Variants in AGBL1 observed in about 807,000 individuals in gnomAD.
AGBL1 encodes AGBL carboxypeptidase 1.
AGBL1 carries 130 observed loss-of-function variants against 118.9 expected under a neutral mutation model. The ratio of observed to expected loss-of-function variants is 1.09; its 90% confidence interval spans 0.95 to 1.26. The LOEUF (loss-of-function observed/expected upper bound fraction) is 1.26. Among genes scored for constraint, AGBL1 ranks in the 50% most tolerant of loss-of-function variants. The pLI, the probability that AGBL1 is intolerant of heterozygous loss-of-function variation, is 0.00. For missense variants in AGBL1, 1,584 were observed against 1,298.1 expected, an observed-to-expected ratio of 1.22 and a Z score of -3.38; for synonymous variants, 555 against 478.9, an observed-to-expected ratio of 1.16 and a Z score of -2.08.
chr15:86,378,681 G>GATT (rs35489192), intron 17 of AGBL1, among the ~76,000 whole-genome samples: 3 of 150,916 alleles, frequency 2.0e-5, no homozygotes, highest in Non-Finnish European at 3.0e-5. Flanking sequence ...AGTGAGATGG[G>GATT]ATTATTATTA....
At chr15:86,540,818 G>C (rs2083485256) in intron 19 of AGBL1, among the ~76,000 whole-genome samples, 2 of 152,160 alleles carry the variant, frequency 1.3e-5, no homozygotes, top group African/African-American at 4.8e-5. Context: ...GATATCGTTT[G>C]AGAAACAAGC....
Position 86,644,560 on chromosome 15 carries a change from C to A in AGBL1, c.2995-29713C>A, listed in dbSNP as rs576257343. Among the ~76,000 whole-genome samples, 6 of 150,834 alleles carry A rather than the reference C, an allele frequency of 4.0e-5. No homozygotes were observed. In the East Asian group the frequency reaches 9.8e-4, roughly 25 times the overall value. ...TGTTTGTTTTTGTAATGTCTCATGT[C>A]TGGCATCTTTCATTCAACATTAGAT... On this transcript the variant is annotated intron_variant, in intron 21 of 22. Coordinates refer to ENST00000614907, the MANE Select transcript of AGBL1 (RefSeq NM_001386094.1).
At chr15:87,004,760 A>G (rs11488899) in intron 24 of AGBL1, among the ~76,000 whole-genome samples, 9,848 of 152,128 alleles carry the variant, frequency 0.065, 1,073 homozygotes, top group African/African-American at 0.22. Flanking sequence ...TTACTCATTA[A>G]TTGATGCAGT....
intron 5 of AGBL1, among the ~76,000 whole-genome samples, chr15:86,215,434 C>A (rs1301991304): frequency 2.6e-5 from 4 of 152,194 alleles, no homozygotes; most frequent in East Asian, 1.9e-4. Context: ...TGCAACAACC[C>A]CTTGTCCCAC....
intron 17 of AGBL1, among the ~76,000 whole-genome samples, chr15:86,350,734 G>A (rs1184565006): frequency 6.6e-6 from 1 of 152,178 alleles, no homozygotes; most frequent in African/African-American, 2.4e-5. Flanking sequence ...GAATGACAAT[G>A]CTAAAGGTCT....
intron 23 of AGBL1, among the ~76,000 whole-genome samples, chr15:86,968,052 C>T (rs947308393): frequency 2.6e-5 from 4 of 151,866 alleles, no homozygotes; most frequent in African/African-American, 9.7e-5. Flanking sequence ...TGAATCATTT[C>T]AAACAAAATA....
At chr15:86,503,623 CTG>C (rs2082942053) in intron 18 of AGBL1, among the ~76,000 whole-genome samples, 1 of 150,970 alleles carries the variant, frequency 6.6e-6, no homozygotes, top group African/African-American at 2.4e-5. Flanking sequence ...GTTTGGTATG[CTG>C]TGTTTTCATT....
At chr15:86,400,690 A>G (rs562918040) in intron 18 of AGBL1, among the ~76,000 whole-genome samples, 4 of 151,288 alleles carry the variant, frequency 2.6e-5, no homozygotes, top group African/African-American at 9.7e-5. Flanking sequence ...TCCCACTTAC[A>G]AATGATAACA....
chr15:86,314,388 G>A (rs1012436972), intron 17 of AGBL1, among the ~76,000 whole-genome samples: 1 of 152,134 alleles, frequency 6.6e-6, no homozygotes, highest in Non-Finnish European at 1.5e-5. Context: ...GTCAAGACAG[G>A]AGCTGGGAAT....
At chr15:86,872,429 G>A (rs530357690) in intron 22 of AGBL1, among the ~76,000 whole-genome samples, 1 of 152,096 alleles carries the variant, frequency 6.6e-6, no homozygotes, top group African/African-American at 2.4e-5. Context: ...TTGCAAACCC[G>A]CTTACTATTA....
At chr15:86,748,673 G>C (rs1433057312) in intron 22 of AGBL1, among the ~76,000 whole-genome samples, 2 of 151,498 alleles carry the variant, frequency 1.3e-5, no homozygotes, top group African/African-American at 4.9e-5. Context: ...AATCCATCTT[G>C]AATTAATTTT....
chr15:86,598,238 G>A (rs1248306498), intron 21 of AGBL1, among the ~76,000 whole-genome samples: 3 of 152,102 alleles, frequency 2.0e-5, no homozygotes, highest in African/African-American at 7.2e-5. Flanking sequence ...TAATAAGGGA[G>A]CAGCTGTGAA....
intron 3 of AGBL1, among the ~76,000 whole-genome samples, chr15:86,147,884 T>C (rs1207473809): frequency 6.6e-6 from 1 of 152,172 alleles, no homozygotes; most frequent in East Asian, 1.9e-4. Flanking sequence ...TGTAGGCAGC[T>C]GCCCCTCTGG....
intron 16 of AGBL1, among the ~76,000 whole-genome samples, chr15:86,287,017 A>G (rs186151614): frequency 1.3e-5 from 2 of 152,220 alleles, no homozygotes; most frequent in South Asian, 2.1e-4. Context: ...AGCACTTGCT[A>G]TCATTCATCT....
intron 19 of AGBL1, among the ~76,000 whole-genome samples, chr15:86,529,327 C>G (rs1454000462): frequency 7.4e-6 from 1 of 135,098 alleles, no homozygotes; most frequent in South Asian, 2.2e-4. Flanking sequence ...GCCTCAGGAG[C>G]CGATGCGATC....
At chr15:86,538,653 A>G (rs1352094110) in intron 19 of AGBL1, among the ~76,000 whole-genome samples, 1 of 152,212 alleles carries the variant, frequency 6.6e-6, no homozygotes, top group Non-Finnish European at 1.5e-5. Flanking sequence ...TATCTCCTCT[A>G]GGCTTCAGCC....
chr15:86,440,533 A>C (rs1298010330), intron 18 of AGBL1, among the ~76,000 whole-genome samples: 1 of 140,368 alleles, frequency 7.1e-6, no homozygotes, highest in Non-Finnish European at 1.5e-5. Flanking sequence ...GAAGTTAACC[A>C]GTTTATTCCA....
At chr15:86,758,031 C>T (rs954102017) in intron 22 of AGBL1, among the ~76,000 whole-genome samples, 2 of 152,050 alleles carry the variant, frequency 1.3e-5, no homozygotes, top group African/African-American at 4.8e-5. Context: ...ATTATCAGGG[C>T]CTTTGAAGTT....
intron 23 of AGBL1, among the ~76,000 whole-genome samples, chr15:86,982,403 CTTG>C (rs1261886958): frequency 7.2e-6 from 1 of 138,770 alleles, no homozygotes. Context: ...TTTCTTTTAT[CTTG>C]TTTTTTTTTT....
Sources: allele counts gnomAD v4.1 joint callset (sites outside exome capture counted in the v4.1 genomes callset), GRCh38; gene constraint gnomAD v4.1.1; transcripts MANE v1.5; gene names NCBI Gene and HGNC (gene_info 2026-07-23, HGNC 2026-07-21).